The following ADARB2 variants were observed in gnomAD, a reference collection of about 807,000 sequenced individuals.
ADARB2 encodes inactive double-stranded RNA-specific editase B2.
ADARB2 carries 25 observed loss-of-function variants against 62.2 expected under a neutral mutation model. The observed-to-expected ratio is 0.40, with a 90% CI of 0.29 to 0.56. ADARB2 has a LOEUF of 0.56. ADARB2 is among the 20% of genes least tolerant of loss of function. The pLI is 0.43. For missense variants in ADARB2, 1,071 were observed against 1,077.4 expected, an observed-to-expected ratio of 0.99 and a Z score of 0.08; for synonymous variants, 572 against 500.8, an observed-to-expected ratio of 1.14 and a Z score of -1.90.
intron 4 of ADARB2, among the ~76,000 whole-genome samples, chr10:1,256,538 C>A (rs1341825403): frequency 6.6e-6 from 1 of 152,174 alleles, no homozygotes; most frequent in Non-Finnish European, 1.5e-5. Context: ...TCACTTCCTG[C>A]AGCCAGTGGC....
chr10:1,252,770 G>A (rs1831047980), intron 4 of ADARB2, among the ~76,000 whole-genome samples: 1 of 151,938 alleles, frequency 6.6e-6, no homozygotes, highest in African/African-American at 2.4e-5. Context: ...CATCTTGTCT[G>A]TTGGGGACAT....
At chr10:1,591,843 G>A (rs1167766938) in intron 1 of ADARB2, among the ~76,000 whole-genome samples, 1 of 152,222 alleles carries the variant, frequency 6.6e-6, no homozygotes, top group African/African-American at 2.4e-5. Context: ...CAATCTCTGT[G>A]TAGCGCTGGT....
intron 1 of ADARB2, among the ~76,000 whole-genome samples, chr10:1,434,376 C>CGCTG (rs1484464054): frequency 2.0e-5 from 3 of 152,298 alleles, no homozygotes; most frequent in Admixed American, 6.5e-5. Flanking sequence ...TTTCAGCTCC[C>CGCTG]GCTGGGGCCT....
chr10:1,185,112 G>T, intron 8 of ADARB2, 73 bp from the exon 9 acceptor site: 1 of 1,519,018 alleles, frequency 6.6e-7, no homozygotes, highest in South Asian at 1.3e-5. Context: ...GGGCAGCTGC[G>T]GGGAAATGGA....
chr10:1,553,323 G>A (rs1832655194), intron 1 of ADARB2, among the ~76,000 whole-genome samples: 1 of 152,152 alleles, frequency 6.6e-6, no homozygotes, highest in African/African-American at 2.4e-5. Flanking sequence ...ACACATTTTG[G>A]ATCAAGTTCA....
At chr10:1,515,976 G>A (rs972611388) in intron 1 of ADARB2, among the ~76,000 whole-genome samples, 1 of 152,150 alleles carries the variant, frequency 6.6e-6, no homozygotes, top group African/African-American at 2.4e-5. Context: ...TGTCTTCCAC[G>A]GCTGGGCTTT....
chr10:1,264,466 A>C lies in ADARB2; in HGVS notation c.1192+6489T>G, dbSNP rs116253209. Among the ~76,000 whole-genome samples the C allele has an allele frequency of 4.4e-3, 671 of 152,348 alleles. 5 individuals carry two copies. Among genetic ancestry groups the C allele is most frequent in the African/African-American group, 0.015 (638 of 41,582 alleles). The stretch of plus-strand genomic sequence containing the variant: ...GGAAAGAGAAGTTTTAACTGTATTT[A>C]AACTGTCATGGTTTCTAAAGTGCAA... On this transcript the variant is annotated intron_variant, in intron 4 of 9. Transcript: ENST00000381312.
chr10:1,324,193 C>T (rs1831822068), intron 3 of ADARB2, among the ~76,000 whole-genome samples: 1 of 152,194 alleles, frequency 6.6e-6, no homozygotes, highest in South Asian at 2.1e-4. Flanking sequence ...GAAAACCACA[C>T]GAGGTACCAT....
intron 3 of ADARB2, among the ~76,000 whole-genome samples, chr10:1,318,085 T>TGAATGGTGAA (rs943014567): frequency 1.3e-5 from 2 of 152,240 alleles, no homozygotes; most frequent in African/African-American, 4.8e-5. Context: ...TCTGCATAGC[T>TGAATGGTGAA]GGGCAATTTA....
At chr10:1,588,444 T>C (rs1017242837) in intron 1 of ADARB2, among the ~76,000 whole-genome samples, 1 of 152,198 alleles carries the variant, frequency 6.6e-6, no homozygotes, top group Non-Finnish European at 1.5e-5. Flanking sequence ...GGGAATTTAA[T>C]GTGCAGATTG....
In ADARB2 at chr10:1,670,652, C is replaced by T. The variant is rs540636612; in HGVS notation, c.100+66399G>A. ...GGTGCCTGGACACCTGAGTGTGCAG[C>T]GCCACTGAAGCTCAACGCTTACTGT... On this transcript the variant is annotated intron_variant, in intron 1 of 9. Coordinates refer to ENST00000381312, the MANE Select transcript of ADARB2 (RefSeq NM_018702.4). Among the ~76,000 whole-genome samples, 20 of 152,330 alleles carry T rather than the reference C, an allele frequency of 1.3e-4. No individual in the cohort carries two copies. In the South Asian group the frequency reaches 3.9e-3, roughly 30 times the overall value.
intron 1 of ADARB2, among the ~76,000 whole-genome samples, chr10:1,562,402 C>T (rs558549043): frequency 1.3e-5 from 2 of 152,258 alleles, no homozygotes; most frequent in East Asian, 1.9e-4. Flanking sequence ...CTCCTAGTTA[C>T]GAGCCTCACT....
At chr10:1,364,417 C>T (rs79948017) in intron 2 of ADARB2, among the ~76,000 whole-genome samples, 6,671 of 152,264 alleles carry the variant, frequency 0.044, 171 homozygotes, top group Middle Eastern at 0.085. Flanking sequence ...CCTGAGAACT[C>T]CCTGGAGGAA....
chr10:1,595,322 TCAGAGTACAGCAA>T (rs1344502632), intron 1 of ADARB2, among the ~76,000 whole-genome samples: 1 of 152,168 alleles, frequency 6.6e-6, no homozygotes, highest in African/African-American at 2.4e-5. Flanking sequence ...AGAGAGGGTC[TCAGAGTACAGCAA>T]CAGGGAGACC....
intron 1 of ADARB2, among the ~76,000 whole-genome samples, chr10:1,530,593 G>A (rs984237713): frequency 3.9e-5 from 6 of 152,178 alleles, no homozygotes; most frequent in Admixed American, 1.3e-4. Context: ...CATCAGCCTC[G>A]TCCGCCCCTG....
At chr10:1,231,148 C>T (rs187107906) in intron 6 of ADARB2, among the ~76,000 whole-genome samples, 2 of 152,258 alleles carry the variant, frequency 1.3e-5, no homozygotes, top group Admixed American at 1.3e-4. Flanking sequence ...TGTTCTCACT[C>T]AGCCCTCTCC....
chr10:1,414,595 A>C lies in ADARB2; in HGVS notation c.101-35435T>G, dbSNP rs184648917. ...AGCTGTAAATCACGTGCTTAATGCA[A>C]CATGCCCTTTCAACCTCCACATTCT... On this transcript the variant is annotated intron_variant, in intron 1 of 9. Transcript: ENST00000381312. 1.1e-3 allele frequency among the ~76,000 whole-genome samples: 164 copies of C among 152,364 alleles called. 1 individual carries two copies. The highest frequency in any genetic ancestry group is 3.8e-3 in the African/African-American group (158 of 41,584).
At chr10:1,669,639 C>T (rs547318354) in intron 1 of ADARB2, among the ~76,000 whole-genome samples, 1 of 151,550 alleles carries the variant, frequency 6.6e-6, no homozygotes, top group African/African-American at 2.4e-5. Flanking sequence ...CACACACAGA[C>T]ACATGCAGAT....
At chr10:1,595,998 G>A (rs544585603) in intron 1 of ADARB2, among the ~76,000 whole-genome samples, 41 of 152,328 alleles carry the variant, frequency 2.7e-4, no homozygotes, top group African/African-American at 9.9e-4. Context: ...CGGCTTTGTG[G>A]TCTGTTTCCA....
Sources: allele counts gnomAD v4.1 joint callset (sites outside exome capture counted in the v4.1 genomes callset), GRCh38; gene constraint gnomAD v4.1.1; transcripts MANE v1.5; gene names NCBI Gene and HGNC (gene_info 2026-07-23, HGNC 2026-07-21).